XRN1: variants seen among roughly 807,000 people sequenced by gnomAD.
The protein encoded by XRN1 is 5'-3' exoribonuclease 1.
In XRN1, 67 loss-of-function variants were observed where a neutral mutation model predicts 222.3. The ratio of observed to expected loss-of-function variants is 0.30; its 90% CI spans 0.25 to 0.37. XRN1 has a LOEUF of 0.37. Among genes scored for constraint, XRN1 ranks in the 10% least tolerant of loss-of-function variants. XRN1 has a pLI of 1.00. For missense variants in XRN1, 1,707 were observed against 2,000.2 expected (o/e 0.85, Z 2.80); for synonymous variants, 643 against 652.4 (o/e 0.99, Z 0.22).
intron 32 of XRN1, among the ~76,000 whole-genome samples, chr3:142,353,990 C>T (rs1420812254): frequency 6.6e-6 from 1 of 151,852 alleles, no homozygotes; most frequent in African/African-American, 2.4e-5. Context: ...ACAAATAATG[C>T]CATTTAAAAA....
At chr3:142,421,332 A>C (rs976239325) in intron 9 of XRN1, 144 bp downstream of exon 9, 2 of 931,868 alleles carry the variant, frequency 2.1e-6, no homozygotes, top group African/African-American at 3.4e-5. Flanking sequence ...AAATAAAAAT[A>C]AAATTAATTT....
intron 16 of XRN1, 52 bp from the exon 17 acceptor site, chr3:142,404,041 T>A: frequency 7.0e-7 from 1 of 1,426,474 alleles, no homozygotes; most frequent in Non-Finnish European, 9.7e-7. Flanking sequence ...TACAAACAAT[T>A]ACAGTTTTTT....
chr3:142,416,615 T>C (rs554967614), intron 13 of XRN1, among the ~76,000 whole-genome samples: 67 of 152,334 alleles, frequency 4.4e-4, no homozygotes, highest in Non-Finnish European at 7.2e-4. Flanking sequence ...TTGACTAACT[T>C]TGATAGAGAA....
In XRN1 at chr3:142,447,157, C is replaced by T. The variant is rs761904180; in HGVS notation, c.75+713G>A. 1.4e-4 allele frequency among the ~76,000 whole-genome samples: 21 copies of T among 152,286 alleles called. No homozygotes were observed. Among genetic ancestry groups the T allele is most frequent in the Non-Finnish European group, 2.5e-4 (17 of 68,040 alleles). ...CATTAACGTTGTCCTGGGGTCAGTA[C>T]ATGCCAAATATTATTAGTAGTATTA... On this transcript the variant is annotated intron_variant, in intron 1 of 40. Transcript: ENST00000392981. The surrounding 1 kb of genome is among the most constrained non-coding windows in gnomAD (Gnocchi z 4.2).
At chr3:142,360,428 A>C (rs2066583636) in intron 29 of XRN1, among the ~76,000 whole-genome samples, 1 of 152,196 alleles carries the variant, frequency 6.6e-6, no homozygotes, top group African/African-American at 2.4e-5. Flanking sequence ...CTGCCAATAA[A>C]CATTTAGGTG....
At position 142,381,337 on chromosome 3, in the gene XRN1, T is replaced by C. The variant is rs192051220; in HGVS notation, c.2617-1157A>G. ...ATAATCACAGTACAGTTATTAAGTATATAAATTTACATTGACATAATACTT... is the reference window on the plus strand; with the variant it reads ...ATAATCACAGTACAGTTATTAAGTACATAAATTTACATTGACATAATACTT... On this transcript the variant is annotated intron_variant, in intron 22 of 40. Coordinates refer to ENST00000392981, the MANE Select transcript of XRN1 (RefSeq NM_001282857.2). 3.2e-3 allele frequency among the ~76,000 whole-genome samples: 488 copies of C among 152,286 alleles called. 2 individuals are homozygous for C. Among genetic ancestry groups the C allele is most frequent in the African/African-American group, 9.6e-3 (401 of 41,578 alleles).
At chr3:142,387,410 G>C (rs977212733) in intron 20 of XRN1, among the ~76,000 whole-genome samples, 1 of 152,058 alleles carries the variant, frequency 6.6e-6, no homozygotes, top group Non-Finnish European at 1.5e-5. Flanking sequence ...TTCTTGACTT[G>C]TATTCTTGTT....
intron 32 of XRN1, among the ~76,000 whole-genome samples, chr3:142,350,300 G>A (rs1431004102): frequency 1.3e-5 from 2 of 152,090 alleles, no homozygotes; most frequent in Non-Finnish European, 1.5e-5. Context: ...GCCTCTCTCT[G>A]AGGAGAGAGA....
chr3:142,357,494 C>T (rs1261252641), intron 30 of XRN1, among the ~76,000 whole-genome samples: 1 of 152,038 alleles, frequency 6.6e-6, no homozygotes, highest in East Asian at 1.9e-4. Context: ...GTGCTATATC[C>T]TAACTCACTG....
chr3:142,333,770 C>T (rs2065769815), intron 34 of XRN1, among the ~76,000 whole-genome samples: 2 of 152,074 alleles, frequency 1.3e-5, no homozygotes, highest in Non-Finnish European at 1.5e-5. Context: ...TCTTTCTCTC[C>T]ATCATGTTAG....
intron 38 of XRN1, 24 bp downstream of exon 38, chr3:142,318,766 A>G: frequency 1.2e-6 from 2 of 1,612,610 alleles, no homozygotes; most frequent in South Asian, 1.1e-5. Context: ...AAATTTTAAT[A>G]GAGAAGTCAT....
intron 33 of XRN1, among the ~76,000 whole-genome samples, chr3:142,342,688 T>C (rs1238498669): frequency 1.3e-5 from 2 of 151,120 alleles, no homozygotes; most frequent in South Asian, 2.1e-4. Flanking sequence ...GGGGAGAGAG[T>C]AGTCTCCTCA....
chr3:142,327,337 A>G (rs1032526421), intron 37 of XRN1, among the ~76,000 whole-genome samples: 17 of 151,996 alleles, frequency 1.1e-4, no homozygotes, highest in South Asian at 2.1e-4. Context: ...GTATGTTTTT[A>G]TGTGTCTCGG....
chr3:142,369,164 A>G (rs1194166209), intron 27 of XRN1, among the ~76,000 whole-genome samples: 1 of 152,206 alleles, frequency 6.6e-6, no homozygotes, highest in African/African-American at 2.4e-5. Flanking sequence ...ATTTTAATAC[A>G]AAGGGCAAAT....
rs2065653314 is a variant in XRN1, at chr3:142,330,118, A to G, written c.4223-503T>C. Among the ~76,000 whole-genome samples the G allele has an allele frequency of 2.0e-5, 3 of 152,242 alleles. 1 individual carries two copies. The highest frequency in any genetic ancestry group is 7.2e-5 in the African/African-American group (3 of 41,470). ...CTTGAGCAGCTAATGACTACATGGT[A>G]CTGCTACAGGTAAAATTTGAACAAA... On this transcript the variant is annotated intron_variant, in intron 36 of 40. Transcript: ENST00000392981.
chr3:142,423,070 A>ATT, intron 6 of XRN1, 148 bp from the exon 7 acceptor site: 1 of 637,068 alleles, frequency 1.6e-6, no homozygotes, highest in Admixed American at 3.3e-5. Context: ...GTTGCAGGGT[A>ATT]ACAAAGATAA....
At chr3:142,315,449 C>A (rs1389490299) in intron 39 of XRN1, among the ~76,000 whole-genome samples, 1 of 151,312 alleles carries the variant, frequency 6.6e-6, no homozygotes, top group African/African-American at 2.4e-5. Flanking sequence ...TGACCTTAGA[C>A]AAATTACATT....
At position 142,356,908 on chromosome 3, in the gene XRN1, T is replaced by A. The variant is rs764073587; in HGVS notation, c.3672+4A>T. 4 of 1,613,584 alleles carry A rather than the reference T, an allele frequency of 2.5e-6. No individual in the cohort carries two copies. Among genetic ancestry groups the A allele is most frequent in the Non-Finnish European group, 3.4e-6 (4 of 1,179,616 alleles). On this transcript the variant is annotated splice_donor_region_variant and intron_variant, in intron 31 of 40. Transcript: ENST00000392981. ...GAGGAGAAGTTAAAGACTGAGAGTC[T>A]TACTTGAGTAGGAACAAAAAGTGAT...
intron 22 of XRN1, among the ~76,000 whole-genome samples, chr3:142,382,105 T>C (rs1027800076): frequency 5.9e-5 from 9 of 152,320 alleles, no homozygotes; most frequent in African/African-American, 2.2e-4. Flanking sequence ...ACTTTGATTA[T>C]ACCATTAATA....
Sources: allele counts gnomAD v4.1 joint callset (sites outside exome capture counted in the v4.1 genomes callset), GRCh38; gene constraint gnomAD v4.1.1; non-coding constraint Gnocchi (gnomAD v3.1); transcripts MANE v1.5; gene names NCBI Gene and HGNC (gene_info 2026-07-23, HGNC 2026-07-21).